SEC61A1: variants seen among roughly 807,000 people sequenced by gnomAD.
The protein encoded by SEC61A1 is SEC61 translocon subunit alpha 1, also known as protein transport protein Sec61 subunit alpha isoform 1.
Under a neutral mutation model 55.2 loss-of-function variants are expected in SEC61A1, and 15 were observed. That is an observed-to-expected ratio of 0.27 (90% CI 0.18 to 0.42). The LOEUF is 0.42. Among genes scored for constraint, SEC61A1 ranks in the 10% least tolerant of loss-of-function variants. SEC61A1 has a pLI of 1.00. For missense variants in SEC61A1, 284 were observed against 602.6 expected (o/e 0.47, Z 5.53); for synonymous variants, 247 against 234.0 (o/e 1.06, Z -0.51).
intron 7 of SEC61A1, among the ~76,000 whole-genome samples, chr3:128,060,952 G>A (rs982150864): frequency 3.3e-5 from 5 of 152,172 alleles, no homozygotes; most frequent in East Asian, 3.8e-4. Flanking sequence ...ATATTGCAAC[G>A]ATAAAGCAAC....
In SEC61A1 at chr3:128,056,826, A is replaced by G; in HGVS notation, c.338A>G (p.Asn113Ser). 6.3e-7 allele frequency: 1 copy of G among 1,598,038 alleles called. No individual in the cohort carries two copies. The highest frequency in any genetic ancestry group is 8.5e-7 in the Non-Finnish European group (1 of 1,172,390). Residue 113 changes from asparagine to serine, a missense_variant, in exon 5 of 12, where the codon AAC becomes AGC. Asn to Ser is a conservative substitution (Grantham distance 46). Transcript: ENST00000243253. Reference sequence around the variant, plus strand: ...ACCCCAAAAGACCGAGCTCTCTTCAACGGAGCCCAAAAGTGTAAGAAAGAT... The same window carrying G: ...ACCCCAAAAGACCGAGCTCTCTTCAGCGGAGCCCAAAAGTGTAAGAAAGAT... ...GDTPKDRALF[N>S]GAQKLFGMII...
intron 8 of SEC61A1, 174 bp downstream of exon 8, chr3:128,065,211 G>T: frequency 1.3e-6 from 1 of 752,678 alleles, no homozygotes; most frequent in South Asian, 1.5e-5. Context: ...TGTTCATTGA[G>T]TCATGGGACC....
intron 1 of SEC61A1, 116 bp from the exon 2 acceptor site, chr3:128,052,719 C>A: frequency 6.7e-7 from 1 of 1,485,032 alleles, no homozygotes; most frequent in Non-Finnish European, 9.2e-7. Context: ...GTCCGGGGTG[C>A]GGCCGGCTCC....
intron 1 of SEC61A1, 44 bp downstream of exon 1, chr3:128,052,603 A>AT (rs750606520): frequency 4.2e-5 from 67 of 1,580,720 alleles, no homozygotes; most frequent in Non-Finnish European, 5.6e-5. Flanking sequence ...GACGGAACAG[A>AT]TCCCCCTTCC....
At chr3:128,059,203 G>A (rs892766442) in intron 5 of SEC61A1, among the ~76,000 whole-genome samples, 8 of 151,992 alleles carry the variant, frequency 5.3e-5, no homozygotes, top group African/African-American at 9.7e-5. Flanking sequence ...TTTGCCAGGC[G>A]TGGCTCATGT....
chr3:128,052,393 C>CCCGCCCCGCG (rs1289638440), upstream of SEC61A1: 3 of 1,202,470 alleles, frequency 2.5e-6, no homozygotes, highest in Admixed American at 4.5e-5. Context: ...CGGCCCCGGC[C>CCCGCCCCGCG]CCGCCCCGCG....
chr3:128,055,088 AACTC>A lies in SEC61A1; in HGVS notation c.76-426_76-423del, dbSNP rs542566420. On this transcript the variant is annotated intron_variant, in intron 2 of 11. Transcript: ENST00000243253. The stretch of plus-strand genomic sequence containing the variant: ...TAGAATAACAAGGTTTTGTGACTGA[AACTC>A]AAATGAAAAGTGGTTGCTCGTGTGT... 2.0e-3 allele frequency among the ~76,000 whole-genome samples: 309 copies of A among 152,348 alleles called. 2 individuals carry two copies. The highest frequency in any genetic ancestry group is 6.7e-3 in the African/African-American group (279 of 41,588).
chr3:128,059,692 T>G (rs1179041433), intron 5 of SEC61A1, among the ~76,000 whole-genome samples: 4 of 152,278 alleles, frequency 2.6e-5, no homozygotes, highest in South Asian at 2.1e-4. Context: ...GTTCAGCTCT[T>G]GAGCCATCGA....
intron 11 of SEC61A1, 74 bp from the exon 12 acceptor site, chr3:128,069,402 G>A (rs1942085186): frequency 3.5e-6 from 5 of 1,418,396 alleles, no homozygotes; most frequent in Non-Finnish European, 4.8e-6. Flanking sequence ...CAAAGTCTCA[G>A]GTGAGCCTGT....
rs1941779347 is a variant in SEC61A1 at position 128,056,853 on chromosome 3, G to T, written c.352+13G>T. The T allele has an allele frequency of 1.9e-6, 3 of 1,545,054 alleles. No homozygotes were observed. The highest frequency in any genetic ancestry group is 1.4e-5 in the African/African-American group (1 of 72,838). ...GGAGCCCAAAAGTGTAAGAAAGATT[G>T]TGAATAATCTGATGTCTATAGTTGG... is the stretch of plus-strand genomic sequence containing the variant. On this transcript the variant is annotated intron_variant, in intron 5 of 11. Transcript: ENST00000243253.
At chr3:128,056,895 A>G (rs1455504493) in intron 5 of SEC61A1, 55 bp downstream of exon 5, 12 of 1,350,488 alleles carry the variant, frequency 8.9e-6, no homozygotes, top group Middle Eastern at 2.3e-4. Flanking sequence ...TGAATTTGCT[A>G]TAAGATTTTG....
At chr3:128,054,682 A>G (rs1941745873) in intron 2 of SEC61A1, among the ~76,000 whole-genome samples, 1 of 152,200 alleles carries the variant, frequency 6.6e-6, no homozygotes. Flanking sequence ...AGGTATTTCA[A>G]CCTCAGAATC....
chr3:128,068,292 A>G (rs918399082), intron 11 of SEC61A1, among the ~76,000 whole-genome samples: 4 of 152,200 alleles, frequency 2.6e-5, no homozygotes. Context: ...GGGTAAGGAG[A>G]TGGAAGCATG....
At chr3:128,058,399 G>A (rs913504625) in intron 5 of SEC61A1, among the ~76,000 whole-genome samples, 3 of 151,872 alleles carry the variant, frequency 2.0e-5, no homozygotes, top group Non-Finnish European at 4.4e-5. Flanking sequence ...TAGTAAAGAC[G>A]GGGTTTCACT....
upstream of SEC61A1, chr3:128,052,039 AGAGCAGT>A: frequency 1.3e-6 from 1 of 748,480 alleles, no homozygotes; most frequent in Non-Finnish European, 2.3e-6. Context: ...CTAACGTCAA[AGAGCAGT>A]GAGTGCTGTT....
intron 4 of SEC61A1, 94 bp downstream of exon 4, chr3:128,055,845 G>C: frequency 1.0e-6 from 1 of 1,003,334 alleles, no homozygotes. Flanking sequence ...ATGGAACTTA[G>C]AGAGTGACTT....
chr3:128,067,223 T>A lies in SEC61A1; in HGVS notation c.975+72T>A. On this transcript the variant is annotated intron_variant, in intron 9 of 11. Transcript: ENST00000243253. This position sits in a 1 kb window ranked among gnomAD's most constrained non-coding sequence, Gnocchi z 4.1. ...GTGGTTTCTATCAGTGTCTTGCTCATGAACAGATATTTCATCCAAAGATAT... is the reference window on the plus strand; with the variant it reads ...GTGGTTTCTATCAGTGTCTTGCTCAAGAACAGATATTTCATCCAAAGATAT... The A allele has an allele frequency of 1.4e-6, 2 of 1,417,984 alleles. No homozygotes were observed. The highest frequency in any genetic ancestry group is 1.2e-5 in the South Asian group (1 of 84,712). The allele number at this position is 1,417,984 out of a possible 1,614,324, so 87.8% of individuals were successfully genotyped here.
chr3:128,060,087 T>G lies in SEC61A1; in HGVS notation c.353-15T>G. 1 of 1,595,292 alleles carries G rather than the reference T, an allele frequency of 6.3e-7. No individual in the cohort carries two copies. On this transcript the variant is annotated splice_polypyrimidine_tract_variant and intron_variant, in intron 5 of 11. Transcript: ENST00000243253. ...AGTGACCCACTTGGAAAACACTTCT[T>G]TCTTTCAATTCTAGTATTTGGCATG... is the stretch of plus-strand genomic sequence containing the variant.
intron 6 of SEC61A1, 60 bp downstream of exon 6, chr3:128,060,271 CA>C: frequency 7.9e-7 from 1 of 1,271,794 alleles, no homozygotes; most frequent in Non-Finnish European, 1.1e-6. Flanking sequence ...ACAATTCTCA[CA>C]TAACGAATCT....
Sources: allele counts gnomAD v4.1 joint callset (sites outside exome capture counted in the v4.1 genomes callset), GRCh38; gene constraint gnomAD v4.1.1; non-coding constraint Gnocchi (gnomAD v3.1); transcripts MANE v1.5; gene names NCBI Gene and HGNC (gene_info 2026-07-23, HGNC 2026-07-21).